The following RUFY3 variants were observed in gnomAD, a reference collection of about 807,000 sequenced individuals.
RUFY3 encodes RUN and FYVE domain containing 3, also known as protein RUFY3.
Under a neutral mutation model 84.0 loss-of-function variants are expected in RUFY3, and 34 were observed. The observed-to-expected ratio is 0.40, with a 90% CI of 0.31 to 0.54. RUFY3 has a LOEUF of 0.54. Ranked by LOEUF, RUFY3 falls within the 20% of genes least tolerant of loss-of-function variation. The pLI is 0.39. For synonymous variants in RUFY3, 242 were observed against 252.9 expected (o/e 0.96, Z 0.41); for missense variants, 507 against 736.8 (o/e 0.69, Z 3.61).
chr4:70,793,580 C>A lies in RUFY3; in HGVS notation c.1338-205C>A. The A allele has an allele frequency of 2.8e-6, 4 of 1,447,742 alleles. No individual in the cohort carries two copies. In the South Asian group the frequency reaches 5.7e-5, roughly 21 times the overall value. The allele number at this position is 1,447,742 out of a possible 1,614,324, so 89.7% of individuals were successfully genotyped here. On this transcript the variant is annotated intron_variant, in intron 12 of 17. Coordinates refer to ENST00000381006, the MANE Select transcript of RUFY3 (RefSeq NM_001037442.4). The stretch of plus-strand genomic sequence containing the variant: ...TCAGCTTTTCCTCTGCCTGGTTCAC[C>A]TTCATCTTACTTTTCTTTAGAATTT...
intron 1 of RUFY3, chr4:70,705,362 GC>G (rs1740169314): frequency 1.7e-6 from 2 of 1,168,606 alleles, no homozygotes; most frequent in Non-Finnish European, 2.2e-6. Flanking sequence ...GGCCGGCCCG[GC>G]CCCCGCGGAG....
intron 1 of RUFY3, among the ~76,000 whole-genome samples, chr4:70,755,619 A>AGCT (rs1723872727): frequency 6.6e-6 from 1 of 152,220 alleles, no homozygotes; most frequent in Non-Finnish European, 1.5e-5. Flanking sequence ...GGAAATTAGC[A>AGCT]GTCTTGAAGA....
chr4:70,768,994 C>T (rs1726471202), intron 5 of RUFY3, among the ~76,000 whole-genome samples: 2 of 151,956 alleles, frequency 1.3e-5, no homozygotes. Flanking sequence ...CAGATCACAA[C>T]AATAAAGCAA....
At chr4:70,745,395 GTC>G (rs1722039236) in intron 1 of RUFY3, among the ~76,000 whole-genome samples, 4 of 152,096 alleles carry the variant, frequency 2.6e-5, no homozygotes, top group Admixed American at 2.6e-4. Flanking sequence ...AGTAATTTGT[GTC>G]TAAAATGTTT....
chr4:70,770,719 A>G (rs1297379656), intron 5 of RUFY3, among the ~76,000 whole-genome samples: 2 of 152,148 alleles, frequency 1.3e-5, no homozygotes, highest in Admixed American at 1.3e-4. Context: ...CATGAGTAGC[A>G]CTTAATTCCC....
chr4:70,795,169 AT>A (rs1731347287), intron 14 of RUFY3, among the ~76,000 whole-genome samples: 1 of 152,202 alleles, frequency 6.6e-6, no homozygotes, highest in African/African-American at 2.4e-5. Flanking sequence ...AAGTAAGATT[AT>A]TTTGGTGTCT....
At chr4:70,770,261 G>A (rs1047781405) in intron 5 of RUFY3, among the ~76,000 whole-genome samples, 1 of 152,226 alleles carries the variant, frequency 6.6e-6, no homozygotes, top group African/African-American at 2.4e-5. Context: ...GAGTCAGTCT[G>A]TCCTTTGCAG....
chr4:70,705,337 C>A, intron 1 of RUFY3: 1 of 1,296,092 alleles, frequency 7.7e-7, no homozygotes, highest in South Asian at 2.0e-5. Flanking sequence ...GGGAAGGGAG[C>A]ATTCGGCTGG....
chr4:70,720,456 T>G (rs973018419), upstream of RUFY3, among the ~76,000 whole-genome samples: 3 of 152,222 alleles, frequency 2.0e-5, no homozygotes, highest in African/African-American at 7.2e-5. Context: ...AGTGCTGGTA[T>G]TATAGGCATG....
At chr4:70,739,928 C>G (rs1721041741) in intron 1 of RUFY3, among the ~76,000 whole-genome samples, 1 of 147,356 alleles carries the variant, frequency 6.8e-6, no homozygotes, top group Non-Finnish European at 1.5e-5. Context: ...GAGGCGGAGG[C>G]TGCAGTGAGC....
At chr4:70,769,687 T>A (rs374030015) in intron 5 of RUFY3, among the ~76,000 whole-genome samples, 1 of 152,266 alleles carries the variant, frequency 6.6e-6, no homozygotes, top group African/African-American at 2.4e-5. Flanking sequence ...CAGTAGAATT[T>A]CTTTCAAAAT....
intron 12 of RUFY3, chr4:70,792,971 G>A (rs923206081): frequency 2.0e-5 from 20 of 985,228 alleles, no homozygotes; most frequent in African/African-American, 1.6e-4. Flanking sequence ...ATCAAATACC[G>A]AAATTGAACT....
At chr4:70,754,689 A>G (rs1723695170) in intron 1 of RUFY3, among the ~76,000 whole-genome samples, 1 of 151,976 alleles carries the variant, frequency 6.6e-6, no homozygotes, top group Non-Finnish European at 1.5e-5. Context: ...GTCCAGTTTT[A>G]TACGCTAAGG....
At chr4:70,704,642 C>T (rs1212785852), upstream of RUFY3, among the ~76,000 whole-genome samples, 1 of 152,066 alleles carries the variant, frequency 6.6e-6, no homozygotes, top group African/African-American at 2.4e-5. Context: ...GACGCTGCCC[C>T]CTAGGGGAGC....
chr4:70,802,885 T>G, intron 15 of RUFY3, 71 bp from the exon 16 acceptor site: 5 of 1,125,456 alleles, frequency 4.4e-6, no homozygotes, highest in South Asian at 1.4e-5. Context: ...TTCTGAGCTT[T>G]TTATTGAAAT....
intron 1 of RUFY3, among the ~76,000 whole-genome samples, chr4:70,759,231 C>T (rs1435496293): frequency 6.6e-6 from 1 of 152,068 alleles, no homozygotes; most frequent in Non-Finnish European, 1.5e-5. Flanking sequence ...TTTTAGCTTC[C>T]ACATATGAGT....
intron 1 of RUFY3, among the ~76,000 whole-genome samples, chr4:70,742,889 T>G (rs1343652754): frequency 6.6e-6 from 1 of 152,194 alleles, no homozygotes; most frequent in Admixed American, 6.5e-5. Context: ...TTGGTCAAAC[T>G]ATTTTTATGC....
intron 15 of RUFY3, 155 bp from the exon 16 acceptor site, chr4:70,802,801 C>A: frequency 2.0e-6 from 1 of 501,734 alleles, no homozygotes. Context: ...CCTTGGAGGT[C>A]AAAATTAATA....
chr4:70,720,834 A>C (rs1278073837), upstream of RUFY3, among the ~76,000 whole-genome samples: 1 of 151,924 alleles, frequency 6.6e-6, no homozygotes, highest in Non-Finnish European at 1.5e-5. Context: ...TCATAAAGCA[A>C]GTACCTGCCC....
Sources: allele counts gnomAD v4.1 joint callset (sites outside exome capture counted in the v4.1 genomes callset), GRCh38; gene constraint gnomAD v4.1.1; transcripts MANE v1.5; gene names NCBI Gene and HGNC (gene_info 2026-07-23, HGNC 2026-07-21).